PSPC1: variants seen among roughly 807,000 people sequenced by gnomAD.
PSPC1 encodes the protein paraspeckle protein 1.
A neutral mutation model predicts 51.6 loss-of-function variants in PSPC1; 14 were observed. That is an observed-to-expected ratio of 0.27 (90% CI 0.18 to 0.42). PSPC1 has a LOEUF of 0.42. PSPC1 is among the 10% of genes least tolerant of loss of function. The probability of loss-of-function intolerance (pLI) is 1.00; values close to 1 mark genes in which losing one functional copy is unlikely to be tolerated. For synonymous variants in PSPC1, 193 were observed against 231.9 expected (o/e 0.83, Z 1.53); for missense variants, 406 against 701.1 (o/e 0.58, Z 4.75).
chr13:19,730,178 T>A (rs1883867087), intron 6 of PSPC1, 61 bp downstream of exon 6: 7 of 1,403,236 alleles, frequency 5.0e-6, no homozygotes, highest in Non-Finnish European at 6.0e-6. Flanking sequence ...TAAAGCATTC[T>A]AAATATGCAT....
Position 19,782,275 on chromosome 13 carries a change from C to T in PSPC1, c.372+111G>A. 1 of 1,413,254 alleles carries T rather than the reference C, an allele frequency of 7.1e-7. No homozygotes were observed. The highest frequency in any genetic ancestry group is 9.2e-7 in the Non-Finnish European group (1 of 1,081,666). 87.5% of individuals were successfully genotyped at this position (1,413,254 alleles called of 1,614,324 possible). Reference sequence around the variant, plus strand: ...GAATCGATGAGGCCGAGCGGCGCCACGGTTGCCACAGGTTGAGACAGCGTC... The same window carrying T: ...GAATCGATGAGGCCGAGCGGCGCCATGGTTGCCACAGGTTGAGACAGCGTC... On this transcript the variant is annotated intron_variant, in intron 1 of 8. Transcript: ENST00000338910. The surrounding 1 kb of genome is among the most constrained non-coding windows in gnomAD (Gnocchi z 4.5).
At chr13:19,710,808 G>A (rs564696120) in intron 6 of PSPC1, among the ~76,000 whole-genome samples, 1 of 151,220 alleles carries the variant, frequency 6.6e-6, no homozygotes, top group African/African-American at 2.4e-5. Flanking sequence ...ACATTATTTA[G>A]AAGATTTAAA....
chr13:19,770,933 C>T (rs1888564898), intron 2 of PSPC1, among the ~76,000 whole-genome samples: 1 of 151,346 alleles, frequency 6.6e-6, no homozygotes, highest in African/African-American at 2.4e-5. Flanking sequence ...CCTCATTGAG[C>T]TCTACAACAG....
At chr13:19,752,424 A>C (rs1398622549) in intron 3 of PSPC1, among the ~76,000 whole-genome samples, 1 of 152,084 alleles carries the variant, frequency 6.6e-6, no homozygotes, top group African/African-American at 2.4e-5. Context: ...TCATATATAC[A>C]TATATATGTA....
intron 8 of PSPC1, among the ~76,000 whole-genome samples, chr13:19,703,864 A>G (rs1242782830): frequency 6.6e-6 from 1 of 152,244 alleles, no homozygotes; most frequent in Non-Finnish European, 1.5e-5. Context: ...ACAAAGAATT[A>G]TGATTTCAGT....
chr13:19,762,402 TA>T lies in PSPC1; in HGVS notation c.675-2985del, dbSNP rs372696154. Among the ~76,000 whole-genome samples the T allele has an allele frequency of 4.6e-3, 702 of 151,406 alleles. 5 individuals are homozygous for T. The highest frequency in any genetic ancestry group is 0.027 in the South Asian group (129 of 4,784). ...GAAATGCCATCTCTACTAAAAAAAA[TA>T]ACAAAAATTAGCCAGGCGTGGTGGC... On this transcript the variant is annotated intron_variant, in intron 2 of 8. Coordinates refer to ENST00000338910, the MANE Select transcript of PSPC1 (RefSeq NM_001354909.2).
chr13:19,712,304 T>C (rs1881542589), intron 6 of PSPC1, among the ~76,000 whole-genome samples: 1 of 152,226 alleles, frequency 6.6e-6, no homozygotes, highest in Non-Finnish European at 1.5e-5. Context: ...GTCTCACTGC[T>C]TGAGATTTCA....
chr13:19,739,804 A>G (rs1885240001), intron 5 of PSPC1, among the ~76,000 whole-genome samples: 1 of 152,064 alleles, frequency 6.6e-6, no homozygotes, highest in Non-Finnish European at 1.5e-5. Flanking sequence ...AAAAGGAAAA[A>G]AGAAAAGTTT....
rs1179402018 is a variant in PSPC1 at position 19,702,503 on chromosome 13, T to C, written c.*672A>G. ...AAAGAGATTTGCCTTCAAACAGTTT[T>C]TTTCAAGATGAAAAAGATTTATTTG... On this transcript the variant is annotated 3_prime_UTR_variant, in exon 9 of 9. Coordinates refer to ENST00000338910, the MANE Select transcript of PSPC1 (RefSeq NM_001354909.2). The C allele has an allele frequency of 6.6e-6, 1 of 152,200 alleles. No individual in the cohort carries two copies. Among genetic ancestry groups the C allele is most frequent in the Non-Finnish European group, 1.5e-5 (1 of 68,022 alleles). The allele number at this position is 152,200 out of a possible 1,614,324, so 9.4% of individuals were successfully genotyped here.
At chr13:19,691,755 CA>C (rs1276121679) in intron 6 of PSPC1, among the ~76,000 whole-genome samples, 3 of 152,036 alleles carry the variant, frequency 2.0e-5, no homozygotes, top group Admixed American at 1.3e-4. Context: ...CTCATCCCTA[CA>C]AAAACACAAA....
intron 6 of PSPC1, among the ~76,000 whole-genome samples, chr13:19,695,867 A>G (rs1879155143): frequency 6.6e-6 from 1 of 152,194 alleles, no homozygotes; most frequent in Admixed American, 6.5e-5. Context: ...AAAAACTGTG[A>G]AAAAGTCTGG....
chr13:19,718,935 C>T (rs544574377), intron 6 of PSPC1, among the ~76,000 whole-genome samples: 17 of 152,196 alleles, frequency 1.1e-4, no homozygotes, highest in African/African-American at 2.4e-4. Flanking sequence ...ACTATGGAGA[C>T]GATAGAAGGA....
intron 7 of PSPC1, among the ~76,000 whole-genome samples, chr13:19,676,838 T>G (rs369830155): frequency 5.3e-5 from 8 of 152,236 alleles, no homozygotes; most frequent in East Asian, 3.8e-4. Context: ...CATTAATGTT[T>G]CAATAATATT....
At chr13:19,700,051 TATG>T (rs1342319530), downstream of PSPC1, among the ~76,000 whole-genome samples, 10 of 152,058 alleles carry the variant, frequency 6.6e-5, no homozygotes, top group African/African-American at 2.4e-4. Flanking sequence ...TTTACCATAA[TATG>T]ATCACATCCT....
downstream of PSPC1, among the ~76,000 whole-genome samples, chr13:19,702,287 T>A (rs1880008163): frequency 1.3e-5 from 2 of 152,322 alleles, no homozygotes; most frequent in South Asian, 2.1e-4. Flanking sequence ...GAAACCTACA[T>A]TCTCAAGAAA....
At chr13:19,711,639 TAAAA>T (rs143917566) in intron 6 of PSPC1, among the ~76,000 whole-genome samples, 2 of 80,940 alleles carry the variant, frequency 2.5e-5, no homozygotes, top group Non-Finnish European at 4.4e-5. Context: ...CTCCGTCTCA[TAAAA>T]AAAAAAAAAA....
chr13:19,729,552 G>T (rs1333032427), intron 6 of PSPC1, among the ~76,000 whole-genome samples: 3 of 149,272 alleles, frequency 2.0e-5, no homozygotes, highest in East Asian at 3.9e-4. Context: ...AAAAAAAAAG[G>T]TTACTAAAAT....
intron 3 of PSPC1, among the ~76,000 whole-genome samples, chr13:19,759,017 G>A (rs1177360981): frequency 1.3e-5 from 2 of 151,954 alleles, no homozygotes; most frequent in African/African-American, 4.8e-5. Flanking sequence ...GGGCATGGTG[G>A]TGCGTGCCTG....
chr13:19,693,816 TTAACTATGAATA>T (rs1188568259), intron 6 of PSPC1, among the ~76,000 whole-genome samples: 1 of 152,098 alleles, frequency 6.6e-6, no homozygotes, highest in Non-Finnish European at 1.5e-5. Context: ...ACACTGACAC[TTAACTATGAATA>T]TATACTTAAA....
Sources: gnomAD v4.1 joint callset for allele counts (sites outside exome capture counted in the v4.1 genomes callset) on GRCh38, gnomAD v4.1.1 for gene constraint, Gnocchi (gnomAD v3.1) non-coding constraint, MANE v1.5 for transcripts, NCBI Gene and HGNC (gene_info 2026-07-23, HGNC 2026-07-21) for gene names.